Variants in NEB observed in about 807,000 individuals in gnomAD.
The protein encoded by NEB is nemaline myopathy type 2.
A neutral mutation model predicts 952.2 loss-of-function variants in NEB; 512 were observed. The observed-to-expected ratio is 0.54, with a 90% CI of 0.50 to 0.58. The LOEUF is 0.58. NEB is among the 20% of genes least tolerant of loss of function. The pLI, the probability that NEB is intolerant of heterozygous loss-of-function variation, is 0.00. For missense variants in NEB, 8,428 were observed against 9,231.1 expected, an observed-to-expected ratio of 0.91 and a Z score of 3.56; for synonymous variants, 2,900 against 3,149.8, an observed-to-expected ratio of 0.92 and a Z score of 2.66.
chr2:151,647,053 G>A (rs2098968983), intron 54 of NEB, among the ~76,000 whole-genome samples: 1 of 151,580 alleles, frequency 6.6e-6, no homozygotes. Flanking sequence ...CCATCCTTAT[G>A]TCTCTTCAAC....
At chr2:151,731,230 A>G (rs2099807298) in intron 3 of NEB, among the ~76,000 whole-genome samples, 1 of 152,182 alleles carries the variant, frequency 6.6e-6, no homozygotes, top group Non-Finnish European at 1.5e-5. Flanking sequence ...ATACGCTTAT[A>G]AAAGAGGCAA....
rs781667543 is a variant in NEB at position 151,497,713 on chromosome 2, T to TAAC, written c.24210_24212dup (p.Leu8071dup). On this transcript the variant is annotated inframe_insertion, in exon 171 of 182. Coordinates refer to ENST00000397345, the MANE Select transcript of NEB (RefSeq NM_001164508.2). ...TTCCCTTGCCCATGTTTTCTTTGTATAACACCTGTGCGATAAGAAAGCATC... is the reference window on the plus strand; with the variant it reads ...TTCCCTTGCCCATGTTTTCTTTGTATAACAACACCTGTGCGATAAGAAAGCATC... The TAAC allele has an allele frequency of 2.2e-5, 35 of 1,575,764 alleles. No homozygotes were observed. In the Admixed American group the frequency reaches 4.4e-4, roughly 20 times the overall value.
chr2:151,533,783 C>G lies in NEB; in HGVS notation c.21313-237G>C, dbSNP rs115204553. Among the ~76,000 whole-genome samples, 325 of 152,238 alleles carry G rather than the reference C, an allele frequency of 2.1e-3. 2 individuals are homozygous for G. The highest frequency in any genetic ancestry group is 7.3e-3 in the African/African-American group (304 of 41,568). On this transcript the variant is annotated intron_variant, in intron 142 of 181. Transcript: ENST00000397345. ...GGAATGATACAGCTAGTTTCACTTA[C>G]GTTACCACCAAAATAGCTTTATAGA...
Position 151,531,865 on chromosome 2 carries a change from T to C in NEB, c.21449A>G (p.Lys7150Arg). The change falls in exon 144 of 182, where the codon AAG (lysine) becomes AGG (arginine). Residue 7150 changes from lysine (K) to arginine (R), a missense_variant. This residue lies in a region of NEB where 3,374 missense variants were observed against 3,651.5 expected (regional missense o/e 0.92). Transcript: ENST00000397345. ...ATCCACAATTGAGGTAAATTTGTCCTTTGATTTTTCATAGTTTTTCCTGTA... is the reference window on the plus strand; with the variant it reads ...ATCCACAATTGAGGTAAATTTGTCCCTTGATTTTTCATAGTTTTTCCTGTA... ...IKYRKNYEKS[K>R]DKFTSIVDTP... is the part of the protein sequence containing the mutation. 5.0e-6 allele frequency: 8 copies of C among 1,609,078 alleles called. No individual in the cohort carries two copies. Among genetic ancestry groups the C allele is most frequent in the Non-Finnish European group, 5.9e-6 (7 of 1,177,830 alleles).
chr2:151,616,168 T>C (rs2098187165), intron 75 of NEB, 59 bp from the exon 76 acceptor site: 2 of 1,200,710 alleles, frequency 1.7e-6, no homozygotes, highest in East Asian at 5.0e-5. Context: ...AGCTGTTCAT[T>C]ATTAGTTTTT....
At position 151,492,398 on chromosome 2, in the gene NEB, G is replaced by A. The variant is rs1174473779; in HGVS notation, c.24862C>T (p.His8288Tyr). Residue 8288 changes from histidine to tyrosine, a missense_variant, in exon 177 of 182, where the codon CAC (histidine) becomes TAC (tyrosine). His to Tyr is a moderately conservative substitution (Grantham distance 83). Transcript: ENST00000397345. The part of the protein sequence containing the change: ...EMRRVRETQR[H>Y]ISTVKYHEDF... ...AATTCCTGACTCACCGTTGAGATGT[G>A]CCGTTGGGTCTCCCTCACCCGTCTC... 8 of 1,604,436 alleles carry A rather than the reference G, an allele frequency of 5.0e-6. No homozygotes were observed. The African/African-American group carries it at 6.7e-5, about 13-fold the overall frequency.
intron 136 of NEB, 100 bp downstream of exon 136, chr2:151,541,347 C>G: frequency 2.5e-6 from 2 of 807,410 alleles, no homozygotes; most frequent in Non-Finnish European, 4.0e-6. Context: ...GCAGCCAGGA[C>G]AACCAAGTGT....
At position 151,529,233 on chromosome 2, in the gene NEB, C is replaced by T. The variant is rs1454335557; in HGVS notation, c.21712G>A (p.Asp7238Asn). 2 of 1,612,728 alleles carry T rather than the reference C, an allele frequency of 1.2e-6. No homozygotes were observed. The highest frequency in any genetic ancestry group is 2.2e-5 in the East Asian group (1 of 44,876). ...PDAVHIKAAKDAYKVNTNLDY... is the reference protein window; with the variant it reads ...PDAVHIKAAKNAYKVNTNLDY... Reference sequence around the variant, plus strand: ...ACATTGGTGTTGACTTTGTAGGCGTCCTTGGCTGCTTTGATATGAACAGCA... The same window carrying T: ...ACATTGGTGTTGACTTTGTAGGCGTTCTTGGCTGCTTTGATATGAACAGCA... The change falls in exon 146 of 182, where the codon GAC becomes AAC. Residue 7238 changes from aspartate to asparagine, a missense_variant. By Grantham distance (23) the Asp-to-Asn change is conservative. Transcript: ENST00000397345.
At position 151,516,551 on chromosome 2, in the gene NEB, C is replaced by T. The variant is rs767967099; in HGVS notation, c.22813G>A (p.Glu7605Lys). 3.0e-5 allele frequency: 48 copies of T among 1,607,606 alleles called. No individual in the cohort carries two copies. Among genetic ancestry groups the T allele is most frequent in the Non-Finnish European group, 4.0e-5 (47 of 1,175,098 alleles). The change falls in exon 157 of 182, where the codon GAA (glutamate) becomes AAA (lysine). Residue 7605 changes from glutamate to lysine, a missense_variant. Physicochemically the swap from Glu to Lys is moderately conservative, Grantham distance 56. Coordinates refer to ENST00000397345, the MANE Select transcript of NEB (RefSeq NM_001164508.2). ...TELQSIVKYK[E>K]KYEKERGKPM... ...TTTCCTCGTTCCTTTTCATACTTTT[C>T]TTTGTATTTCACCTGGTGATAGAAA... is the stretch of plus-strand genomic sequence containing the variant.
chr2:151,534,178 G>A lies in NEB; in HGVS notation c.21313-632C>T, dbSNP rs781758616. On this transcript the variant is annotated intron_variant, in intron 142 of 181. Transcript: ENST00000397345. ...CATCTCATGAGAAACTGGGAGCACA[G>A]TCCTGCCTGGGCCACCGGCCAGCCC... 4 of 1,491,310 alleles carry A rather than the reference G, an allele frequency of 2.7e-6. No homozygotes were observed. The Admixed American group carries it at 6.7e-5, about 25-fold the overall frequency. The allele number at this position is 1,491,310 out of a possible 1,614,324, so 92.4% of individuals were successfully genotyped here. A position where few individuals can be genotyped will look rare whatever the true frequency, so the allele number is the denominator to read the frequency against.
At position 151,551,791 on chromosome 2, in the gene NEB, T is replaced by C. The variant is rs1341707562; in HGVS notation, c.19891A>G (p.Thr6631Ala). The change falls in exon 129 of 182, where the codon ACC becomes GCC. Residue 6631 changes from threonine to alanine, a missense_variant. This residue lies in a region of NEB where 3,374 missense variants were observed against 3,651.5 expected (regional missense o/e 0.92). Coordinates refer to ENST00000397345, the MANE Select transcript of NEB (RefSeq NM_001164508.2). Reference sequence around the variant, plus strand: ...GCCCGGTCCAGATCCACGGTTTTGGTAGTTGGAGCCACTTTGCCTCTGACA... The same window carrying C: ...GCCCGGTCCAGATCCACGGTTTTGGCAGTTGGAGCCACTTTGCCTCTGACA... ...HSVRGKVAPT[T>A]KTVDLDRALH... The C allele has an allele frequency of 2.5e-6, 4 of 1,613,452 alleles. No individual in the cohort carries two copies. Among genetic ancestry groups the C allele is most frequent in the African/African-American group, 1.3e-5 (1 of 75,012 alleles).
At chr2:151,565,669 A>G (rs763011608) in intron 115 of NEB, 47 bp downstream of exon 115, 1 of 1,571,006 alleles carries the variant, frequency 6.4e-7, no homozygotes, top group South Asian at 1.1e-5. Context: ...CCAACATGGC[A>G]GGTAGGAGGA....
At chr2:151,681,616 C>T (rs2099414354) in intron 29 of NEB, among the ~76,000 whole-genome samples, 1 of 152,194 alleles carries the variant, frequency 6.6e-6, no homozygotes, top group African/African-American at 2.4e-5. Flanking sequence ...GAAAACAAAA[C>T]ACCGAACAAG....
intron 161 of NEB, 61 bp downstream of exon 161, chr2:151,512,672 G>T: frequency 8.4e-7 from 1 of 1,187,844 alleles, no homozygotes; most frequent in Non-Finnish European, 1.2e-6. Context: ...TTTATTAATG[G>T]AAGGACTTCC....
intron 135 of NEB, among the ~76,000 whole-genome samples, chr2:151,545,499 C>T (rs1559755358): frequency 6.6e-6 from 1 of 151,844 alleles, no homozygotes. Flanking sequence ...CGCATGAACC[C>T]AGGAGACAGA....
intron 153 of NEB, among the ~76,000 whole-genome samples, chr2:151,520,379 T>C (rs2081104379): frequency 6.6e-6 from 1 of 152,126 alleles, no homozygotes; most frequent in Non-Finnish European, 1.5e-5. Context: ...AAAAGTGAGA[T>C]ACTTCAGAAT....
At chr2:151,503,237 A>T (rs1157201867) in intron 166 of NEB, 112 bp downstream of exon 166, 1 of 783,258 alleles carries the variant, frequency 1.3e-6, no homozygotes, top group Non-Finnish European at 2.1e-6. Context: ...TACACAACAC[A>T]CACAGACACA....
chr2:151,645,746 G>T (rs2098949147), intron 55 of NEB, among the ~76,000 whole-genome samples: 1 of 152,186 alleles, frequency 6.6e-6, no homozygotes, highest in South Asian at 2.1e-4. Context: ...CGTGGGTTTT[G>T]TATGCTCACT....
At chr2:151,612,126 T>C (rs1428061774) in intron 78 of NEB, 60 bp downstream of exon 78, 4 of 1,554,718 alleles carry the variant, frequency 2.6e-6, no homozygotes, top group Middle Eastern at 2.2e-4. Flanking sequence ...AATTTCCTAC[T>C]TTATGAGCCA....
Sources: allele counts gnomAD v4.1 joint callset (sites outside exome capture counted in the v4.1 genomes callset), GRCh38; gene constraint gnomAD v4.1.1; regional missense constraint gnomAD v4.1.1; transcripts MANE v1.5; gene names NCBI Gene and HGNC (gene_info 2026-07-23, HGNC 2026-07-21).